R3HDM1: variants seen among roughly 807,000 people sequenced by gnomAD.
R3HDM1 encodes R3H domain-containing protein 1.
In R3HDM1, 46 loss-of-function variants were observed where a neutral mutation model predicts 141.1. The observed-to-expected ratio is 0.33, with a 90% CI of 0.26 to 0.42. R3HDM1 has a LOEUF of 0.42. Ranked by LOEUF, R3HDM1 falls within the 10% of genes least tolerant of loss-of-function variation. The pLI is 1.00. For synonymous variants in R3HDM1, 435 were observed against 472.9 expected (o/e 0.92, Z 1.04); for missense variants, 1,184 against 1,368.3 (o/e 0.87, Z 2.12).
intron 20 of R3HDM1, among the ~76,000 whole-genome samples, chr2:135,675,749 A>G (rs2105343264): frequency 1.3e-5 from 2 of 152,308 alleles, no homozygotes; most frequent in South Asian, 4.1e-4. Flanking sequence ...TGATATTGGC[A>G]AGTTAATATT....
chr2:135,711,913 C>T (rs1428915134), intron 23 of R3HDM1, among the ~76,000 whole-genome samples: 3 of 136,138 alleles, frequency 2.2e-5, no homozygotes, highest in Admixed American at 1.7e-4. Context: ...GATCTGAGAT[C>T]GTGCCCTTGC....
intron 21 of R3HDM1, among the ~76,000 whole-genome samples, chr2:135,699,403 A>G (rs2073918785): frequency 1.3e-5 from 2 of 152,210 alleles, no homozygotes; most frequent in Non-Finnish European, 2.9e-5. Flanking sequence ...GGGACAAGAG[A>G]GAGAGTTGTA....
In R3HDM1 at chr2:135,641,659, G is replaced by T; in HGVS notation, c.1343G>T (p.Ser448Ile). 3 of 1,614,124 alleles carry T rather than the reference G, an allele frequency of 1.9e-6. No individual in the cohort carries two copies. The highest frequency in any genetic ancestry group is 2.5e-6 in the Non-Finnish European group (3 of 1,180,008). Residue 448 changes from serine to isoleucine, a missense_variant, in exon 15 of 27, where the codon AGC (serine) becomes ATC (isoleucine). Ser to Ile is a moderately radical substitution (Grantham distance 142, BLOSUM62 -2). Around this residue, in one of 5 missense-constraint regions of R3HDM1, gnomAD observed 240 missense variants for 312.3 expected, o/e 0.77. Transcript: ENST00000683871. The part of the protein sequence containing the change: ...HGAPVVYPTV[S>I]THSSLSFDGG... ...GCACCTGTCGTCTATCCAACTGTCA[G>T]CACTCATAGTTCTCTTTCCTTTGAT...
At chr2:135,539,069 G>A (rs1696878762) in intron 1 of R3HDM1, among the ~76,000 whole-genome samples, 1 of 152,088 alleles carries the variant, frequency 6.6e-6, no homozygotes. Flanking sequence ...CCACCGGAAG[G>A]TCTTCAGAGA....
intron 21 of R3HDM1, among the ~76,000 whole-genome samples, chr2:135,688,230 A>G (rs900681277): frequency 2.6e-5 from 4 of 152,234 alleles, no homozygotes; most frequent in African/African-American, 9.6e-5. Context: ...GTCTTGTGTT[A>G]CTAAGCACAA....
intron 1 of R3HDM1, chr2:135,543,165 G>A (rs1473435514): frequency 1.2e-6 from 1 of 839,480 alleles, no homozygotes; most frequent in East Asian, 1.2e-4. Flanking sequence ...TGTGAGATAG[G>A]GGTTCAGATT....
intron 2 of R3HDM1, among the ~76,000 whole-genome samples, chr2:135,602,912 G>A (rs2059736199): frequency 6.6e-6 from 1 of 151,890 alleles, no homozygotes; most frequent in South Asian, 2.1e-4. Context: ...CAGTCTGTCT[G>A]TGACTTTAAG....
chr2:135,705,711 AT>A (rs573813934), intron 21 of R3HDM1, among the ~76,000 whole-genome samples: 17 of 152,102 alleles, frequency 1.1e-4, no homozygotes, highest in African/African-American at 3.9e-4. Flanking sequence ...TATATTTGTC[AT>A]TTTTTTTATC....
chr2:135,652,668 A>G (rs891425037), intron 18 of R3HDM1, among the ~76,000 whole-genome samples: 2 of 152,130 alleles, frequency 1.3e-5, no homozygotes, highest in African/African-American at 4.8e-5. Flanking sequence ...TGAGTTGGGC[A>G]TTGTTCCCTC....
At chr2:135,540,971 C>G (rs1041365946) in intron 1 of R3HDM1, among the ~76,000 whole-genome samples, 5 of 152,110 alleles carry the variant, frequency 3.3e-5, no homozygotes. Flanking sequence ...AAATTATCAA[C>G]GAACAGTAAG....
At chr2:135,665,577 C>A in intron 19 of R3HDM1, 1 of 356,814 alleles carries the variant, frequency 2.8e-6, no homozygotes, top group Non-Finnish European at 6.2e-6. Flanking sequence ...ATTGTAATAC[C>A]TTTAAATCAT....
chr2:135,684,464 AATTTT>A (rs2105364543), intron 21 of R3HDM1, among the ~76,000 whole-genome samples: 1 of 152,268 alleles, frequency 6.6e-6, no homozygotes, highest in African/African-American at 2.4e-5. Flanking sequence ...TGTTGGACTC[AATTTT>A]ATTTTGTTTC....
intron 1 of R3HDM1, among the ~76,000 whole-genome samples, chr2:135,579,899 A>C (rs1706404256): frequency 6.6e-6 from 1 of 152,204 alleles, no homozygotes. Flanking sequence ...AGGTATATAC[A>C]GGAAGTCTGT....
At chr2:135,661,465 A>T in intron 19 of R3HDM1, 72 bp downstream of exon 19, 8 of 1,536,420 alleles carry the variant, frequency 5.2e-6, no homozygotes, top group Non-Finnish European at 6.3e-6. Flanking sequence ...TGTTGCTCTT[A>T]AGATAGTACC....
chr2:135,683,761 A>G (rs1159750535), intron 21 of R3HDM1, among the ~76,000 whole-genome samples: 1 of 152,146 alleles, frequency 6.6e-6, no homozygotes, highest in Non-Finnish European at 1.5e-5. Flanking sequence ...ATTTTTATTA[A>G]TCAGATAGTT....
At chr2:135,581,512 C>T (rs1706798402) in intron 1 of R3HDM1, 4 of 581,274 alleles carry the variant, frequency 6.9e-6, no homozygotes, top group Non-Finnish European at 6.5e-6. Flanking sequence ...TTCCTCACCA[C>T]TTATTAATAG....
chr2:135,636,128 T>C lies in R3HDM1; in HGVS notation c.848T>C (p.Ile283Thr), dbSNP rs1559307236. 1.4e-5 allele frequency: 22 copies of C among 1,613,072 alleles called. No homozygotes were observed. The highest frequency in any genetic ancestry group is 1.7e-5 in the Non-Finnish European group (20 of 1,179,506). The change falls in exon 11 of 27, where the codon ATA becomes ACA. Residue 283 changes from isoleucine (I) to threonine (T), a missense_variant. Ile to Thr is a moderately conservative substitution (Grantham distance 89). Coordinates refer to ENST00000683871, the MANE Select transcript of R3HDM1 (RefSeq NM_001378107.1). ...AAAGATGACAGAAGAAGCAAATCTA[T>C]AGAAGAAAGAGAAGAAGAGTACCAG... ...RLKDDRRSKS[I>T]EEREEEYQRA...
chr2:135,687,622 T>C (rs1418915866), intron 21 of R3HDM1, among the ~76,000 whole-genome samples: 1 of 151,172 alleles, frequency 6.6e-6, no homozygotes, highest in East Asian at 1.9e-4. Context: ...GCAACAAATA[T>C]TTTTATTTTG....
At chr2:135,673,255 A>G (rs191946590) in intron 19 of R3HDM1, among the ~76,000 whole-genome samples, 40 of 152,362 alleles carry the variant, frequency 2.6e-4, no homozygotes, top group African/African-American at 8.4e-4. Context: ...TCGAGGGTAC[A>G]GTGAAACAAA....
Sources: allele counts gnomAD v4.1 joint callset (sites outside exome capture counted in the v4.1 genomes callset), GRCh38; gene constraint gnomAD v4.1.1; regional missense constraint gnomAD v4.1.1; transcripts MANE v1.5; gene names NCBI Gene and HGNC (gene_info 2026-07-23, HGNC 2026-07-21).